The following PAK5 variants were observed in gnomAD, a reference collection of about 807,000 sequenced individuals.
PAK5 encodes p21 (RAC1) activated kinase 5, also known as serine/threonine-protein kinase PAK 5.
In PAK5, 16 loss-of-function variants were observed where a neutral mutation model predicts 65.9. That is an observed-to-expected ratio of 0.24 (90% confidence interval 0.16 to 0.37). PAK5 has a LOEUF of 0.37. Among genes scored for constraint, PAK5 ranks in the 10% least tolerant of loss-of-function variants. PAK5 has a pLI of 1.00. For missense variants in PAK5, 785 were observed against 903.9 expected (o/e 0.87, Z 1.69); for synonymous variants, 371 against 354.9 (o/e 1.05, Z -0.51).
chr20:9,755,358 C>T (rs1432652443), intron 1 of PAK5, among the ~76,000 whole-genome samples: 2 of 152,150 alleles, frequency 1.3e-5, no homozygotes, highest in Non-Finnish European at 2.9e-5. Context: ...TAAATGCTTT[C>T]ACATTTCACC....
chr20:9,780,399 C>T (rs2048929326), intron 1 of PAK5, among the ~76,000 whole-genome samples: 1 of 152,092 alleles, frequency 6.6e-6, no homozygotes, highest in South Asian at 2.1e-4. Context: ...CATTCTTTTA[C>T]TAACTCCATT....
At chr20:9,602,833 C>T (rs2123113391) in intron 3 of PAK5, among the ~76,000 whole-genome samples, 1 of 152,334 alleles carries the variant, frequency 6.6e-6, no homozygotes, top group Non-Finnish European at 1.5e-5. Context: ...GTACATGTAA[C>T]AGAGCTTTAG....
At chr20:9,715,249 A>G (rs1392446959) in intron 1 of PAK5, among the ~76,000 whole-genome samples, 1 of 152,180 alleles carries the variant, frequency 6.6e-6, no homozygotes, top group Non-Finnish European at 1.5e-5. Flanking sequence ...ATGAACAGAC[A>G]CTTCTCAAAA....
chr20:9,563,855 G>A (rs780779025), intron 5 of PAK5, among the ~76,000 whole-genome samples: 1 of 152,186 alleles, frequency 6.6e-6, no homozygotes, highest in African/African-American at 2.4e-5. Context: ...TAAGAAATAA[G>A]CACCCGTGGG....
At chr20:9,779,962 T>C (rs2048924959) in intron 1 of PAK5, among the ~76,000 whole-genome samples, 3 of 152,082 alleles carry the variant, frequency 2.0e-5, no homozygotes, top group Admixed American at 2.0e-4. Flanking sequence ...ACGTATCCTA[T>C]AGTAAAATGC....
intron 2 of PAK5, among the ~76,000 whole-genome samples, chr20:9,686,445 G>A (rs965645390): frequency 7.9e-5 from 12 of 152,114 alleles, no homozygotes; most frequent in African/African-American, 2.7e-4. Flanking sequence ...CCCCAGGCAG[G>A]AGTGCAGTAG....
At chr20:9,628,257 A>G (rs1265970899) in intron 3 of PAK5, among the ~76,000 whole-genome samples, 1 of 152,236 alleles carries the variant, frequency 6.6e-6, no homozygotes, top group Non-Finnish European at 1.5e-5. Flanking sequence ...ACAGAAGCTC[A>G]CAGAGGTTAA....
At chr20:9,613,808 C>A (rs576326221) in intron 3 of PAK5, among the ~76,000 whole-genome samples, 158 of 152,264 alleles carry the variant, frequency 1.0e-3, no homozygotes, top group Middle Eastern at 3.4e-3. Flanking sequence ...GGCACAGGCT[C>A]AAGACAGACT....
chr20:9,605,501 C>T (rs1013645325), intron 3 of PAK5, among the ~76,000 whole-genome samples: 2 of 152,108 alleles, frequency 1.3e-5, no homozygotes, highest in Admixed American at 6.5e-5. Context: ...TATCAGATTC[C>T]TTCCCTAAAA....
At chr20:9,630,122 G>A (rs1031617212) in intron 3 of PAK5, among the ~76,000 whole-genome samples, 3 of 152,106 alleles carry the variant, frequency 2.0e-5, no homozygotes, top group Admixed American at 1.3e-4. Flanking sequence ...AATGTGTGAG[G>A]AAAGAGGAAG....
At position 9,577,393 on chromosome 20, in the gene PAK5, G is replaced by GTGTGTACACACACACA. The variant is rs555010244; in HGVS notation, c.990+2736_990+2751dup. The GTGTGTACACACACACA allele has an allele frequency of 8.1e-3, 1,225 of 150,922 alleles. 15 individuals are homozygous for GTGTGTACACACACACA. Among genetic ancestry groups the GTGTGTACACACACACA allele is most frequent in the African/African-American group, 0.027 (1,105 of 40,764 alleles). 9.3% of individuals were successfully genotyped at this position (150,922 alleles called of 1,614,324 possible). A position where few individuals can be genotyped will look rare whatever the true frequency, so the allele number is the denominator to read the frequency against. On this transcript the variant is annotated intron_variant, in intron 4 of 9. Coordinates refer to ENST00000353224, the MANE Select transcript of PAK5 (RefSeq NM_177990.4). ...GTAAAACTGTGTCAAACACACACAC[G>GTGTGTACACACACACA]TGTGTACACACACACATGTGTACAC...
intron 1 of PAK5, among the ~76,000 whole-genome samples, chr20:9,784,712 C>T (rs1188292658): frequency 6.6e-6 from 1 of 151,492 alleles, no homozygotes; most frequent in African/African-American, 2.4e-5. Context: ...AACCTCATTG[C>T]AGGAGGAAGG....
intron 1 of PAK5, among the ~76,000 whole-genome samples, chr20:9,789,162 A>C (rs1188241768): frequency 1.6e-4 from 24 of 152,196 alleles, no homozygotes; most frequent in Admixed American, 1.4e-3. Flanking sequence ...TGGTGACTCA[A>C]GTACATCTGA....
chr20:9,628,038 ATTTTTG>A (rs1174829502), intron 3 of PAK5, among the ~76,000 whole-genome samples: 2 of 152,136 alleles, frequency 1.3e-5, no homozygotes, highest in African/African-American at 4.8e-5. Context: ...TACATGTATA[ATTTTTG>A]TTTTATTAAT....
chr20:9,783,797 C>T (rs2048966319), intron 1 of PAK5, among the ~76,000 whole-genome samples: 1 of 152,148 alleles, frequency 6.6e-6, no homozygotes, highest in Non-Finnish European at 1.5e-5. Context: ...GTGGTTGTCT[C>T]ATTTAACATG....
At chr20:9,703,683 C>G (rs2047968683) in intron 2 of PAK5, among the ~76,000 whole-genome samples, 1 of 152,130 alleles carries the variant, frequency 6.6e-6, no homozygotes, top group Non-Finnish European at 1.5e-5. Flanking sequence ...TGGGTCTCTT[C>G]TTCTGCCTCT....
chr20:9,555,705 T>G (rs1350923509), intron 7 of PAK5, among the ~76,000 whole-genome samples: 1 of 152,216 alleles, frequency 6.6e-6, no homozygotes, highest in African/African-American at 2.4e-5. Context: ...TGGCATCTTC[T>G]CCTATCAAGA....
chr20:9,541,360 A>T (rs1353746183), intron 9 of PAK5, among the ~76,000 whole-genome samples: 1 of 152,158 alleles, frequency 6.6e-6, no homozygotes, highest in Non-Finnish European at 1.5e-5. Context: ...TGGATGAAGC[A>T]TCATTATTTT....
intron 3 of PAK5, among the ~76,000 whole-genome samples, chr20:9,608,257 A>G (rs931049699): frequency 6.6e-6 from 1 of 152,360 alleles, no homozygotes; most frequent in South Asian, 2.1e-4. Flanking sequence ...TAGGTAACAC[A>G]CTATGGTATT....
Sources: gnomAD v4.1 joint callset for allele counts (sites outside exome capture counted in the v4.1 genomes callset) on GRCh38, gnomAD v4.1.1 for gene constraint, MANE v1.5 for transcripts, NCBI Gene and HGNC (gene_info 2026-07-23, HGNC 2026-07-21) for gene names.